TENM3: variants seen among roughly 807,000 people sequenced by gnomAD.
The protein encoded by TENM3 is teneurin-3.
TENM3 carries 63 observed loss-of-function variants against 255.1 expected under a neutral mutation model. The ratio of observed to expected loss-of-function variants is 0.25; its 90% CI spans 0.20 to 0.30. TENM3 has a LOEUF of 0.30. Ranked by LOEUF, TENM3 falls within the 10% of genes least tolerant of loss-of-function variation. TENM3 has a pLI of 1.00. For missense variants in TENM3, 2,929 were observed against 3,461.1 expected, an observed-to-expected ratio of 0.85 and a Z score of 3.86; for synonymous variants, 1,306 against 1,322.3, an observed-to-expected ratio of 0.99 and a Z score of 0.27.
At chr4:182,721,084 C>G (rs1759689200) in intron 13 of TENM3, among the ~76,000 whole-genome samples, 1 of 152,042 alleles carries the variant, frequency 6.6e-6, no homozygotes, top group African/African-American at 2.4e-5. Flanking sequence ...TCTCCCCTCT[C>G]TTTTACACCC....
chr4:181,483,241 T>C, the TENM3 span, among the ~76,000 whole-genome samples: 7 of 152,282 alleles, frequency 4.6e-5, no homozygotes, highest in African/African-American at 1.4e-4. Flanking sequence ...TATTGCTTTT[T>C]GGGAACGTGT....
At chr4:182,706,162 C>T (rs941958676) in intron 12 of TENM3, among the ~76,000 whole-genome samples, 1 of 152,086 alleles carries the variant, frequency 6.6e-6, no homozygotes, top group African/African-American at 2.4e-5. Context: ...GTACACAGTT[C>T]TGGTTCTTCT....
At chr4:181,497,124 G>T in the TENM3 span, among the ~76,000 whole-genome samples, 12 of 152,080 alleles carry the variant, frequency 7.9e-5, no homozygotes, top group African/African-American at 2.9e-4. Flanking sequence ...CGTTCCTTGA[G>T]AATAGACAGC....
intron 1 of TENM3, among the ~76,000 whole-genome samples, chr4:182,203,110 G>A (rs868460578): frequency 1.3e-5 from 2 of 152,092 alleles, no homozygotes; most frequent in South Asian, 2.1e-4. Flanking sequence ...CCAGCTATTC[G>A]GGAGGCTGAG....
chr4:182,564,798 A>T (rs1335334698), intron 3 of TENM3, among the ~76,000 whole-genome samples: 2 of 152,190 alleles, frequency 1.3e-5, no homozygotes, highest in African/African-American at 4.8e-5. Flanking sequence ...ATGATCTAAC[A>T]TCTGTTTCTC....
At chr4:181,767,309 A>C in the TENM3 span, among the ~76,000 whole-genome samples, 1 of 151,740 alleles carries the variant, frequency 6.6e-6, no homozygotes, top group Non-Finnish European at 1.5e-5. Context: ...AATTCAAATA[A>C]ATTCAAGAAG....
intron 1 of TENM3, among the ~76,000 whole-genome samples, chr4:182,211,889 A>G (rs578001957): frequency 1.3e-5 from 2 of 152,308 alleles, no homozygotes; most frequent in East Asian, 3.9e-4. Context: ...TTCTGTAAAT[A>G]GGAGGTAGAA....
the TENM3 span, among the ~76,000 whole-genome samples, chr4:181,889,909 C>T: frequency 2.0e-5 from 3 of 152,160 alleles, no homozygotes; most frequent in Admixed American, 2.0e-4. Context: ...TCCACTAGCT[C>T]TTAATGAATG....
chr4:182,381,934 C>T (rs146501992), intron 3 of TENM3, among the ~76,000 whole-genome samples: 3 of 152,254 alleles, frequency 2.0e-5, no homozygotes, highest in African/African-American at 7.2e-5. Context: ...TTCATGTGGT[C>T]CTCATTTTGT....
At chr4:182,100,792 TATACACATATATATACAC>T in the TENM3 span, among the ~76,000 whole-genome samples, 4 of 5,052 alleles carry the variant, frequency 7.9e-4, no homozygotes, top group Non-Finnish European at 5.4e-3. Context: ...TACACATATA[TATACACATATATATACAC>T]ATATATATAC....
At chr4:182,626,449 G>A (rs1472109640) in intron 4 of TENM3, among the ~76,000 whole-genome samples, 1 of 152,180 alleles carries the variant, frequency 6.6e-6, no homozygotes, top group Non-Finnish European at 1.5e-5. Flanking sequence ...AGATACTAAT[G>A]TAAACACTTT....
chr4:182,456,861 C>G (rs1773917765), intron 3 of TENM3, among the ~76,000 whole-genome samples: 2 of 152,126 alleles, frequency 1.3e-5, no homozygotes, highest in South Asian at 4.1e-4. Context: ...TTTCTGCTCT[C>G]TTGCTCCATC....
chr4:182,181,520 T>G (rs911036046), intron 1 of TENM3, among the ~76,000 whole-genome samples: 5 of 152,214 alleles, frequency 3.3e-5, no homozygotes, highest in Non-Finnish European at 5.9e-5. Context: ...ATAAAGTTAA[T>G]CAAACCTGTT....
intron 3 of TENM3, among the ~76,000 whole-genome samples, chr4:182,582,429 A>C (rs541452611): frequency 2.0e-4 from 31 of 152,208 alleles, no homozygotes; most frequent in Admixed American, 3.3e-4. Context: ...TATGAGATTA[A>C]ACAGGATAGT....
Position 182,224,886 on chromosome 4 carries a change from G to A in TENM3, c.-76+80132G>A, listed in dbSNP as rs573998400. Among the ~76,000 whole-genome samples, 5 of 152,036 alleles carry A rather than the reference G, an allele frequency of 3.3e-5. No individual in the cohort carries two copies. In the East Asian group the frequency reaches 5.9e-4, roughly 18 times the overall value. On this transcript the variant is annotated intron_variant, in intron 1 of 2. Transcript: ENST00000512480. ...TGAGTGGCTGGGATTACAGTCACGC[G>A]CCGCCACACCTGGCTAATTTTTGTA...
At chr4:181,920,468 A>G in the TENM3 span, among the ~76,000 whole-genome samples, 1 of 152,030 alleles carries the variant, frequency 6.6e-6, no homozygotes. Flanking sequence ...TTTGATTTGC[A>G]TTTCTCTGAT....
chr4:182,794,982 T>G (rs1460778396), intron 26 of TENM3, among the ~76,000 whole-genome samples: 1 of 152,060 alleles, frequency 6.6e-6, no homozygotes, highest in Non-Finnish European at 1.5e-5. Flanking sequence ...GGTATTTTGG[T>G]TTTGTTTTGG....
chr4:181,506,159 T>C, the TENM3 span, among the ~76,000 whole-genome samples: 20,217 of 152,090 alleles, frequency 0.13, 1,421 homozygotes, highest in Middle Eastern at 0.17. Flanking sequence ...CTAGGAGTAA[T>C]AGTTTAAATT....
chr4:182,110,660 G>C, the TENM3 span, among the ~76,000 whole-genome samples: 1 of 152,142 alleles, frequency 6.6e-6, no homozygotes, highest in Admixed American at 6.5e-5. Context: ...GCCTAATCCA[G>C]AATTAAGGAA....
Sources: allele counts gnomAD v4.1 joint callset (sites outside exome capture counted in the v4.1 genomes callset), GRCh38; gene constraint gnomAD v4.1.1; transcripts MANE v1.5; gene names NCBI Gene and HGNC (gene_info 2026-07-23, HGNC 2026-07-21).